TNR: variants seen among roughly 807,000 people sequenced by gnomAD.
TNR encodes the protein tenascin-R.
In TNR, 45 loss-of-function variants were observed where a neutral mutation model predicts 150.4. The ratio of observed to expected loss-of-function variants is 0.30; its 90% confidence interval spans 0.24 to 0.38. The LOEUF (loss-of-function observed/expected upper bound fraction) is 0.38, where lower values mean the gene tolerates loss of function less well. Among genes scored for constraint, TNR ranks in the 10% least tolerant of loss-of-function variants. TNR has a pLI of 1.00. For synonymous variants in TNR, 687 were observed against 678.4 expected (o/e 1.01, Z -0.20); for missense variants, 1,544 against 1,759.1 (o/e 0.88, Z 2.19).
At chr1:175,695,194 C>T (rs1026013462) in intron 1 of TNR, among the ~76,000 whole-genome samples, 1 of 152,094 alleles carries the variant, frequency 6.6e-6, no homozygotes, top group Non-Finnish European at 1.5e-5. Context: ...TTTTTGGATC[C>T]CTTGCTCTTG....
intron 7 of TNR, 107 bp downstream of exon 7, chr1:175,391,181 G>C (rs1653148669): frequency 7.0e-7 from 1 of 1,426,174 alleles, no homozygotes; most frequent in African/African-American, 1.4e-5. Context: ...CCAGCTCTAG[G>C]AGAAATTCTA....
At chr1:175,665,832 C>T (rs1665518454) in intron 1 of TNR, among the ~76,000 whole-genome samples, 1 of 152,112 alleles carries the variant, frequency 6.6e-6, no homozygotes, top group Admixed American at 6.6e-5. Flanking sequence ...ACAGGAAATG[C>T]CCTGTGATTA....
chr1:175,382,095 G>A lies in TNR; in HGVS notation c.1778-2358C>T, dbSNP rs538306511. Among the ~76,000 whole-genome samples, 22 of 152,242 alleles carry A rather than the reference G, an allele frequency of 1.4e-4. 1 individual carries two copies. The highest frequency in any genetic ancestry group is 1.2e-3 in the Admixed American group (18 of 15,304). On this transcript the variant is annotated intron_variant, in intron 8 of 22. Coordinates refer to ENST00000367674, the MANE Select transcript of TNR (RefSeq NM_003285.3). The stretch of plus-strand genomic sequence containing the variant: ...TCCAACATGGCCACGCTTCTGTACC[G>A]TTTATTTCGCTTTTCATTATAGTAC...
chr1:175,571,378 C>G (rs891812825), intron 1 of TNR, among the ~76,000 whole-genome samples: 5 of 152,162 alleles, frequency 3.3e-5, no homozygotes, highest in African/African-American at 1.2e-4. Flanking sequence ...TGTATATTAT[C>G]TAATTTATCC....
At chr1:175,511,234 T>C (rs1194102851) in intron 2 of TNR, among the ~76,000 whole-genome samples, 1 of 152,236 alleles carries the variant, frequency 6.6e-6, no homozygotes, top group Non-Finnish European at 1.5e-5. Flanking sequence ...CAACAGAGCA[T>C]GCATAGCAAA....
At chr1:175,622,422 C>T (rs1490126221) in intron 1 of TNR, among the ~76,000 whole-genome samples, 1 of 152,224 alleles carries the variant, frequency 6.6e-6, no homozygotes, top group African/African-American at 2.4e-5. Context: ...CATTGCTTTT[C>T]ATTCCACATC....
At position 175,424,593 on chromosome 1, in the gene TNR, T is replaced by C. The variant is rs1654888931; in HGVS notation, c.-63-17816A>G. Among the ~76,000 whole-genome samples the C allele has an allele frequency of 1.3e-5, 2 of 152,208 alleles. 1 individual carries two copies. The highest frequency in any genetic ancestry group is 4.1e-4 in the South Asian group (2 of 4,828). ...GTGGGAGGGAAAGGTCTGCTCTCCC[T>C]GACTCTGGGGTTTCTGACCAATCTG... On this transcript the variant is annotated intron_variant, in intron 2 of 22. Coordinates refer to ENST00000367674, the MANE Select transcript of TNR (RefSeq NM_003285.3).
rs188823873 is a variant in TNR, at chr1:175,603,584, G to A, written c.-164-75215C>T. Reference sequence around the variant, plus strand: ...TTCTCACTAAAAATCACATGGGTGAGGAAGAGTGATGCTAGTGGTTAAGTA... The same window carrying A: ...TTCTCACTAAAAATCACATGGGTGAAGAAGAGTGATGCTAGTGGTTAAGTA... On this transcript the variant is annotated intron_variant, in intron 1 of 22. Transcript: ENST00000367674. Among the ~76,000 whole-genome samples, 14 of 152,370 alleles carry A rather than the reference G, an allele frequency of 9.2e-5. No homozygotes were observed. In the East Asian group the frequency reaches 2.3e-3, roughly 25 times the overall value.
intron 1 of TNR, among the ~76,000 whole-genome samples, chr1:175,659,152 C>A (rs559230135): frequency 3.3e-5 from 5 of 152,268 alleles, no homozygotes; most frequent in African/African-American, 1.2e-4. Context: ...ACTGGCAGAG[C>A]TAGTTAGAAT....
chr1:175,705,952 C>T (rs950684102), intron 1 of TNR, among the ~76,000 whole-genome samples: 2 of 152,040 alleles, frequency 1.3e-5, no homozygotes, highest in African/African-American at 4.8e-5. Flanking sequence ...TTTTCAAGGC[C>T]CAGTCCTGAC....
At chr1:175,340,701 A>G (rs1650480062) in intron 18 of TNR, among the ~76,000 whole-genome samples, 1 of 152,196 alleles carries the variant, frequency 6.6e-6, no homozygotes, top group South Asian at 2.1e-4. Context: ...GCTAGATTTG[A>G]ACCTTCTCTT....
chr1:175,509,803 A>G (rs1659096522), intron 2 of TNR, among the ~76,000 whole-genome samples: 1 of 152,248 alleles, frequency 6.6e-6, no homozygotes, highest in African/African-American at 2.4e-5. Flanking sequence ...TCTCTGGACC[A>G]GGGACCATCT....
Position 175,488,751 on chromosome 1 carries a change from CT to C in TNR, c.-64+39517del, listed in dbSNP as rs200761124. Reference sequence around the variant, plus strand: ...AGAAGATGAAACTCCCAGAATCCCCCTGCCACTGTGAAAAGCTCATATATCA... The same window carrying C: ...AGAAGATGAAACTCCCAGAATCCCCCGCCACTGTGAAAAGCTCATATATCA... On this transcript the variant is annotated intron_variant, in intron 2 of 22. Coordinates refer to ENST00000367674, the MANE Select transcript of TNR (RefSeq NM_003285.3). 3.6e-3 allele frequency among the ~76,000 whole-genome samples: 549 copies of C among 152,334 alleles called. 2 individuals carry two copies. Among genetic ancestry groups the C allele is most frequent in the South Asian group, 0.028 (137 of 4,822 alleles).
At chr1:175,713,322 T>C (rs1031126453) in intron 1 of TNR, among the ~76,000 whole-genome samples, 2 of 152,198 alleles carry the variant, frequency 1.3e-5, no homozygotes, top group African/African-American at 2.4e-5. Context: ...AGCTACTTAA[T>C]ACCATAAACA....
At chr1:175,706,037 G>A (rs1412664607) in intron 1 of TNR, among the ~76,000 whole-genome samples, 1 of 152,112 alleles carries the variant, frequency 6.6e-6, no homozygotes, top group Non-Finnish European at 1.5e-5. Flanking sequence ...TGGCCTAGGG[G>A]ATAGAGTCAG....
At chr1:175,692,480 C>A (rs1297779115) in intron 1 of TNR, among the ~76,000 whole-genome samples, 4 of 152,222 alleles carry the variant, frequency 2.6e-5, no homozygotes, top group Non-Finnish European at 5.9e-5. Flanking sequence ...TTCCCTTCAT[C>A]CATCTTTCCA....
intron 1 of TNR, among the ~76,000 whole-genome samples, chr1:175,640,035 C>A (rs1400209908): frequency 6.6e-6 from 1 of 152,228 alleles, no homozygotes; most frequent in African/African-American, 2.4e-5. Context: ...CAGTGCCCAA[C>A]AGGTAGCATT....
intron 2 of TNR, among the ~76,000 whole-genome samples, chr1:175,423,700 G>A (rs911761589): frequency 2.0e-5 from 3 of 152,236 alleles, no homozygotes; most frequent in Non-Finnish European, 4.4e-5. Flanking sequence ...AGCTTCAGAG[G>A]CAAGCATCAC....
At chr1:175,354,107 A>T (rs1156345319) in intron 18 of TNR, among the ~76,000 whole-genome samples, 2 of 152,180 alleles carry the variant, frequency 1.3e-5, no homozygotes, top group African/African-American at 4.8e-5. Context: ...AGGCCCCCGA[A>T]GTGCTGGGAT....
Sources: allele counts gnomAD v4.1 joint callset (sites outside exome capture counted in the v4.1 genomes callset), GRCh38; gene constraint gnomAD v4.1.1; transcripts MANE v1.5; gene names NCBI Gene and HGNC (gene_info 2026-07-23, HGNC 2026-07-21).